Variants in PID1 observed in about 807,000 individuals in gnomAD.
PID1 encodes the protein PTB-containing, cubilin and LRP1-interacting protein.
Under a neutral mutation model 19.1 loss-of-function variants are expected in PID1, and 10 were observed. The observed-to-expected ratio is 0.52, with a 90% confidence interval of 0.32 to 0.89. PID1 has a LOEUF of 0.89. PID1 is among the 40% of genes least tolerant of loss of function. The pLI is 0.03. For synonymous variants in PID1, 130 were observed against 116.0 expected (o/e 1.12, Z -0.78); for missense variants, 248 against 285.3 (o/e 0.87, Z 0.94).
At chr2:229,238,239 G>C (rs1040550492) in intron 1 of PID1, among the ~76,000 whole-genome samples, 2 of 152,114 alleles carry the variant, frequency 1.3e-5, no homozygotes, top group African/African-American at 4.8e-5. Context: ...TTTTTTAAAG[G>C]GGTTGGGTTG....
intron 1 of PID1, among the ~76,000 whole-genome samples, chr2:229,261,910 G>A (rs879663789): frequency 8.0e-6 from 1 of 125,626 alleles, no homozygotes; most frequent in Non-Finnish European, 1.8e-5. Flanking sequence ...TTTTTTTTTT[G>A]TCTTCAAAGT....
intron 1 of PID1, among the ~76,000 whole-genome samples, chr2:229,250,636 T>A (rs533110046): frequency 6.6e-6 from 1 of 152,186 alleles, no homozygotes; most frequent in Non-Finnish European, 1.5e-5. Context: ...TCCGATTTGG[T>A]TGGGGGCAAA....
At chr2:229,162,403 G>A (rs1272316218) in intron 1 of PID1, among the ~76,000 whole-genome samples, 1 of 152,230 alleles carries the variant, frequency 6.6e-6, no homozygotes, top group Admixed American at 6.5e-5. Flanking sequence ...GGAAGGCAAA[G>A]CCTGCTTAAT....
At chr2:229,251,944 TA>T (rs11284650) in intron 1 of PID1, among the ~76,000 whole-genome samples, 57,841 of 71,604 alleles carry the variant, frequency 0.81, 22,374 homozygotes, top group South Asian at 0.88. Context: ...AACCATAAGC[TA>T]AAAAAAAAAA....
chr2:229,145,079 C>T (rs907901101), intron 2 of PID1, among the ~76,000 whole-genome samples: 1 of 149,866 alleles, frequency 6.7e-6, no homozygotes, highest in Non-Finnish European at 1.5e-5. Flanking sequence ...AGTACAGATT[C>T]CCCTAATGCA....
intron 2 of PID1, among the ~76,000 whole-genome samples, chr2:229,048,469 C>T (rs1693927306): frequency 6.6e-6 from 1 of 152,154 alleles, no homozygotes; most frequent in South Asian, 2.1e-4. Context: ...TCACAAATCC[C>T]TCTCCTTGGT....
Position 229,131,692 on chromosome 2 carries a change from C to T in PID1, c.177+24126G>A, listed in dbSNP as rs115225539. The stretch of plus-strand genomic sequence containing the variant: ...CATCATCAAATATTCACACTAGATA[C>T]GAATTTCAGTAATTAATCCTATTTG... On this transcript the variant is annotated intron_variant, in intron 2 of 2. Coordinates refer to ENST00000392055, the MANE Select transcript of PID1 (RefSeq NM_001100818.2). Among the ~76,000 whole-genome samples, 480 of 152,170 alleles carry T rather than the reference C, an allele frequency of 3.2e-3. 1 individual carries two copies. Among genetic ancestry groups the T allele is most frequent in the Non-Finnish European group, 5.1e-3 (345 of 68,014 alleles).
At position 229,121,243 on chromosome 2, in the gene PID1, A is replaced by G. The variant is rs368716511; in HGVS notation, c.177+34575T>C. 1.4e-4 allele frequency among the ~76,000 whole-genome samples: 22 copies of G among 152,308 alleles called. No homozygotes were observed. In the South Asian group the frequency reaches 3.5e-3, roughly 24 times the overall value. ...CACATTCATCTCTGGTGGGAGTACC[A>G]CATGGGAGATGGGGTCTCAGACAGT... On this transcript the variant is annotated intron_variant, in intron 2 of 2. Transcript: ENST00000392055.
intron 2 of PID1, among the ~76,000 whole-genome samples, chr2:229,115,079 T>C (rs1413875317): frequency 6.6e-6 from 1 of 152,192 alleles, no homozygotes; most frequent in Non-Finnish European, 1.5e-5. Flanking sequence ...ATTTCCTATC[T>C]TACCTTGCTC....
chr2:229,214,716 C>A (rs928215963), intron 1 of PID1, among the ~76,000 whole-genome samples: 21 of 152,044 alleles, frequency 1.4e-4, no homozygotes, highest in African/African-American at 5.1e-4. Context: ...ATGTGCCACC[C>A]CAGAGTCAAC....
chr2:229,208,860 C>T (rs1691664143), intron 1 of PID1, among the ~76,000 whole-genome samples: 1 of 152,102 alleles, frequency 6.6e-6, no homozygotes, highest in Non-Finnish European at 1.5e-5. Flanking sequence ...GGTTTCCAAT[C>T]CTGGAGTCTC....
At chr2:229,030,417 A>C (rs530776230) in intron 2 of PID1, among the ~76,000 whole-genome samples, 53 of 152,302 alleles carry the variant, frequency 3.5e-4, no homozygotes, top group African/African-American at 1.2e-3. Flanking sequence ...GGTAAGTTTT[A>C]TGTTGTATGT....
At chr2:229,028,703 C>T (rs1041534156) in intron 2 of PID1, among the ~76,000 whole-genome samples, 8 of 152,156 alleles carry the variant, frequency 5.3e-5, no homozygotes, top group African/African-American at 7.2e-5. Context: ...AACAAAATCA[C>T]GTCCTTTGCG....
chr2:229,226,018 T>C (rs1220063403), intron 1 of PID1, among the ~76,000 whole-genome samples: 3 of 150,144 alleles, frequency 2.0e-5, no homozygotes, highest in African/African-American at 7.6e-5. Context: ...GAATGTCCCA[T>C]TTATGCTGGC....
At chr2:229,066,001 A>T (rs1252951375) in intron 2 of PID1, among the ~76,000 whole-genome samples, 1 of 152,238 alleles carries the variant, frequency 6.6e-6, no homozygotes, top group Non-Finnish European at 1.5e-5. Context: ...AAGGAAAGCC[A>T]GGTGATTCAC....
chr2:229,045,715 C>G (rs932679669), intron 2 of PID1, among the ~76,000 whole-genome samples: 3 of 152,230 alleles, frequency 2.0e-5, no homozygotes, highest in African/African-American at 7.2e-5. Flanking sequence ...TTTGTGAACA[C>G]ACCGATGAAT....
intron 1 of PID1, among the ~76,000 whole-genome samples, 180 bp from the exon 2 acceptor site, chr2:229,156,144 A>C (rs1203820110): frequency 1.3e-5 from 2 of 152,236 alleles, no homozygotes; most frequent in African/African-American, 2.4e-5. Flanking sequence ...CACTCAGATG[A>C]AACTGTGGAG....
intron 1 of PID1, among the ~76,000 whole-genome samples, chr2:229,261,167 G>C (rs1324375159): frequency 6.6e-6 from 1 of 152,142 alleles, no homozygotes; most frequent in Admixed American, 6.5e-5. Flanking sequence ...AAAGCCAGGA[G>C]CTGTGTCTCC....
At chr2:229,050,237 C>T (rs776897696) in intron 2 of PID1, among the ~76,000 whole-genome samples, 5 of 152,114 alleles carry the variant, frequency 3.3e-5, no homozygotes, top group Non-Finnish European at 5.9e-5. Context: ...CCCATTAGAG[C>T]GTGTGGTCAT....
Sources: allele counts gnomAD v4.1 joint callset (sites outside exome capture counted in the v4.1 genomes callset), GRCh38; gene constraint gnomAD v4.1.1; transcripts MANE v1.5; gene names NCBI Gene and HGNC (gene_info 2026-07-23, HGNC 2026-07-21).